The following ZBTB20 variants were observed in gnomAD, a reference collection of about 807,000 sequenced individuals.
ZBTB20 encodes the protein zinc finger and BTB domain containing 20, also known as zinc finger and BTB domain-containing protein 20.
A neutral mutation model predicts 56.9 loss-of-function variants in ZBTB20; 9 were observed. The observed-to-expected ratio is 0.16, with a 90% CI of 0.10 to 0.28. The LOEUF is 0.28. ZBTB20 is among the 10% of genes least tolerant of loss of function. The pLI is 1.00. For missense variants in ZBTB20, 655 were observed against 1,003.0 expected, an observed-to-expected ratio of 0.65 and a Z score of 4.69; for synonymous variants, 417 against 420.7, an observed-to-expected ratio of 0.99 and a Z score of 0.11.
At chr3:114,509,904 G>A (rs561036889) in intron 6 of ZBTB20, among the ~76,000 whole-genome samples, 1 of 151,998 alleles carries the variant, frequency 6.6e-6, no homozygotes, top group Non-Finnish European at 1.5e-5. Flanking sequence ...AATGATCCAG[G>A]GATCGAGGAT....
intron 5 of ZBTB20, among the ~76,000 whole-genome samples, chr3:114,701,873 T>C (rs373814593): frequency 6.6e-6 from 1 of 152,230 alleles, no homozygotes; most frequent in Non-Finnish European, 1.5e-5. Flanking sequence ...TAAATCCCTG[T>C]TTATTCATAT....
At chr3:114,471,609 C>T (rs1439042476) in intron 7 of ZBTB20, among the ~76,000 whole-genome samples, 2 of 151,994 alleles carry the variant, frequency 1.3e-5, no homozygotes, top group African/African-American at 2.4e-5. Flanking sequence ...GGAGGTGGAG[C>T]GACTGAGAGA....
chr3:114,784,181 C>CT (rs1196897296), intron 5 of ZBTB20, among the ~76,000 whole-genome samples: 2 of 151,800 alleles, frequency 1.3e-5, no homozygotes, highest in African/African-American at 2.4e-5. Context: ...AGGAATAGAA[C>CT]TTTTTTTTTC....
At chr3:114,905,812 C>T (rs959304565) in intron 3 of ZBTB20, among the ~76,000 whole-genome samples, 1 of 151,840 alleles carries the variant, frequency 6.6e-6, no homozygotes, top group African/African-American at 2.4e-5. Context: ...TTTGGCCCCA[C>T]ATTGGACAAG....
At chr3:115,069,211 A>G (rs551734850) in intron 2 of ZBTB20, among the ~76,000 whole-genome samples, 2 of 152,320 alleles carry the variant, frequency 1.3e-5, no homozygotes, top group Admixed American at 1.3e-4. Flanking sequence ...GAAGGCATAC[A>G]GTACAATGCC....
chr3:115,090,530 A>G (rs1290351994), intron 1 of ZBTB20, among the ~76,000 whole-genome samples: 1 of 151,772 alleles, frequency 6.6e-6, no homozygotes, highest in Non-Finnish European at 1.5e-5. Context: ...TAGAGATAAC[A>G]TTTTAAGTCA....
At chr3:114,380,738 T>A (rs1245718186) in intron 9 of ZBTB20, 39 bp downstream of exon 9, 1 of 1,483,122 alleles carries the variant, frequency 6.7e-7, no homozygotes, top group Non-Finnish European at 8.9e-7. Context: ...CCCTTAGGAG[T>A]TTTAACATGG....
intron 4 of ZBTB20, 67 bp downstream of exon 4, chr3:114,900,237 A>T (rs924603751): frequency 6.6e-6 from 1 of 152,176 alleles, no homozygotes; most frequent in African/African-American, 2.4e-5. Flanking sequence ...ATTTTAATAC[A>T]TAAAAATATT....
At chr3:114,832,721 C>A (rs1007923824) in intron 4 of ZBTB20, among the ~76,000 whole-genome samples, 4 of 151,988 alleles carry the variant, frequency 2.6e-5, no homozygotes, top group Non-Finnish European at 4.4e-5. Context: ...TATGATATTT[C>A]AAATCTTAGA....
At chr3:114,838,645 A>G (rs919657630) in intron 4 of ZBTB20, among the ~76,000 whole-genome samples, 5 of 152,204 alleles carry the variant, frequency 3.3e-5, no homozygotes, top group African/African-American at 4.8e-5. Flanking sequence ...GGGTAGTCAT[A>G]GAATTATTCA....
chr3:114,713,013 A>C (rs913525459), intron 5 of ZBTB20, among the ~76,000 whole-genome samples: 1 of 152,212 alleles, frequency 6.6e-6, no homozygotes, highest in African/African-American at 2.4e-5. Context: ...CTATAGGTAC[A>C]TGTAGAATAT....
chr3:114,430,397 T>C (rs1441652693), intron 7 of ZBTB20, among the ~76,000 whole-genome samples: 2 of 152,170 alleles, frequency 1.3e-5, no homozygotes, highest in Non-Finnish European at 2.9e-5. Flanking sequence ...CATATTTGGA[T>C]CCAAGTTTGT....
At chr3:114,799,926 C>G (rs1264350200) in intron 5 of ZBTB20, among the ~76,000 whole-genome samples, 2 of 151,934 alleles carry the variant, frequency 1.3e-5, no homozygotes, top group African/African-American at 4.8e-5. Context: ...TGTCAACACA[C>G]AAGAACTACA....
intron 2 of ZBTB20, among the ~76,000 whole-genome samples, chr3:114,995,391 T>C (rs1207911227): frequency 6.6e-6 from 1 of 151,926 alleles, no homozygotes; most frequent in African/African-American, 2.4e-5. Context: ...AAGCTTCATA[T>C]AGGTTGCTAC....
intron 6 of ZBTB20, among the ~76,000 whole-genome samples, chr3:114,549,517 A>G (rs1251126919): frequency 1.3e-5 from 2 of 152,212 alleles, no homozygotes; most frequent in African/African-American, 4.8e-5. Flanking sequence ...TATATGCAGT[A>G]CAATTCATTC....
chr3:114,883,735 C>T (rs148784787), intron 4 of ZBTB20, among the ~76,000 whole-genome samples: 17 of 151,864 alleles, frequency 1.1e-4, no homozygotes, highest in Non-Finnish European at 2.1e-4. Flanking sequence ...ATCTCTCGAT[C>T]GTTATTCAGA....
rs373013495 is a variant in ZBTB20, at chr3:114,805,896, AT to A, written c.-416-4723del. On this transcript the variant is annotated intron_variant, in intron 4 of 11. Transcript: ENST00000675478. ...TCACTTATCATAATTCATTTTTAAG[AT>A]TCTTTTATGTTGTGGCATGTAGCAG... is the stretch of plus-strand genomic sequence containing the variant. 4.6e-3 allele frequency among the ~76,000 whole-genome samples: 702 copies of A among 151,888 alleles called. 4 individuals are homozygous for A. Among genetic ancestry groups the A allele is most frequent in the South Asian group, 0.026 (124 of 4,822 alleles).
At chr3:114,623,400 T>G (rs1303890002) in intron 6 of ZBTB20, among the ~76,000 whole-genome samples, 1 of 152,180 alleles carries the variant, frequency 6.6e-6, no homozygotes, top group Non-Finnish European at 1.5e-5. Flanking sequence ...TTTAATACTG[T>G]GAGGACAGTC....
chr3:114,471,692 A>T (rs1405435021), intron 7 of ZBTB20, among the ~76,000 whole-genome samples: 1 of 152,224 alleles, frequency 6.6e-6, no homozygotes, highest in African/African-American at 2.4e-5. Context: ...TAAATAAAAC[A>T]TTGTGTGTTG....
Sources: allele counts gnomAD v4.1 joint callset (sites outside exome capture counted in the v4.1 genomes callset), GRCh38; gene constraint gnomAD v4.1.1; transcripts MANE v1.5; gene names NCBI Gene and HGNC (gene_info 2026-07-23, HGNC 2026-07-21).